Variants in TBL1Y observed in about 807,000 individuals in gnomAD.
TBL1Y encodes the protein transducin beta like 1 Y-linked.
TBL1Y carries 15 observed loss-of-function variants against 12.0 expected under a neutral mutation model. The ratio of observed to expected loss-of-function variants is 1.25; its 90% CI spans 0.83 to 1.92. The LOEUF (loss-of-function observed/expected upper bound fraction) is 1.92, where lower values mean the gene tolerates loss of function less well. Ranked by LOEUF, TBL1Y falls within the 40% of genes most tolerant of loss-of-function variation. The pLI is 0.00. For synonymous variants in TBL1Y, 53 were observed against 42.6 expected (o/e 1.24, Z -0.95); for missense variants, 148 against 116.7 (o/e 1.27, Z -1.24).
chrY:6,978,834 A>G (rs2012262200), intron 3 of TBL1Y, among the ~76,000 whole-genome samples: 1 of 33,509 alleles, frequency 3.0e-5, no homozygotes, highest in Non-Finnish European at 7.3e-5. Context: ...TTAGAAACAT[A>G]CTATGCAACT....
chrY:7,071,150 AG>A (rs2013029614), intron 10 of TBL1Y, among the ~76,000 whole-genome samples: 17 of 33,551 alleles, frequency 5.1e-4, no homozygotes, highest in African/African-American at 2.0e-3. Context: ...GGGAGCTATG[AG>A]GTATTTCTCC....
intron 2 of TBL1Y, among the ~76,000 whole-genome samples, chrY:6,977,903 C>T: frequency 3.0e-5 from 1 of 33,365 alleles, no homozygotes; most frequent in Non-Finnish European, 7.4e-5. Flanking sequence ...TATACTGCAA[C>T]GGAGACAGGA....
At chrY:7,028,372 C>A in intron 6 of TBL1Y, among the ~76,000 whole-genome samples, 1 of 34,133 alleles carries the variant, frequency 2.9e-5, no homozygotes, top group Non-Finnish European at 7.3e-5. Flanking sequence ...TGAAGAAGGA[C>A]CCAAGACACA....
chrY:7,015,779 A>G, intron 4 of TBL1Y, among the ~76,000 whole-genome samples: 1 of 33,574 alleles, frequency 3.0e-5, no homozygotes, highest in African/African-American at 1.2e-4. Flanking sequence ...GTGTGGAGCC[A>G]TTTTTCAGAT....
chrY:7,055,250 C>A, intron 7 of TBL1Y, among the ~76,000 whole-genome samples: 1 of 33,481 alleles, frequency 3.0e-5, no homozygotes, highest in African/African-American at 1.2e-4. Flanking sequence ...GCATGCACAC[C>A]CTATTTTCCT....
chrY:7,080,493 C>T (rs750564636), intron 13 of TBL1Y, among the ~76,000 whole-genome samples: 229 of 32,693 alleles, frequency 7.0e-3, no homozygotes, highest in African/African-American at 0.025. Context: ...GAGGCTGAGG[C>T]GGGAGGATTC....
intron 2 of TBL1Y, among the ~76,000 whole-genome samples, chrY:6,916,927 C>A (rs369459819): frequency 9.0e-3 from 308 of 34,179 alleles, no homozygotes; most frequent in South Asian, 0.031. Context: ...TGGGCTCCCA[C>A]AGCTGGAAAA....
intron 4 of TBL1Y, among the ~76,000 whole-genome samples, chrY:6,999,364 C>T: frequency 6.0e-5 from 2 of 33,214 alleles, no homozygotes; most frequent in African/African-American, 1.2e-4. Flanking sequence ...TTTGGCACCA[C>T]GTCACCTAGG....
At chrY:7,064,633 T>C (rs534153735) in intron 8 of TBL1Y, among the ~76,000 whole-genome samples, 100 of 33,699 alleles carry the variant, frequency 3.0e-3, no homozygotes, top group African/African-American at 0.011. Context: ...AGCAAGTACA[T>C]GGTAAGTCAG....
chrY:7,069,447 C>T (rs2013008395), intron 8 of TBL1Y, among the ~76,000 whole-genome samples: 1 of 33,517 alleles, frequency 3.0e-5, no homozygotes, highest in Non-Finnish European at 7.4e-5. Flanking sequence ...AGGGATGGTT[C>T]CTTTCTTAGG....
intron 7 of TBL1Y, among the ~76,000 whole-genome samples, chrY:7,062,809 C>G (rs762831144): frequency 3.0e-5 from 1 of 33,613 alleles, no homozygotes; most frequent in East Asian, 7.9e-4. Context: ...GGTTCAGTCC[C>G]CCACAGTGGG....
intron 2 of TBL1Y, among the ~76,000 whole-genome samples, chrY:6,934,946 C>T (rs111982185): frequency 0.057 from 1,889 of 32,856 alleles, no homozygotes; most frequent in South Asian, 0.31. Flanking sequence ...CCCTTGTGAT[C>T]GAGCGATCCT....
intron 2 of TBL1Y, among the ~76,000 whole-genome samples, chrY:6,957,254 C>A: frequency 2.9e-5 from 1 of 34,514 alleles, no homozygotes; most frequent in Admixed American, 2.6e-4. Flanking sequence ...CTCCAGTTGA[C>A]CAGGCATGGG....
intron 6 of TBL1Y, among the ~76,000 whole-genome samples, chrY:7,032,937 G>T (rs2012663982): frequency 3.0e-5 from 1 of 33,354 alleles, no homozygotes; most frequent in Admixed American, 2.7e-4. Flanking sequence ...AGAAGCAAGA[G>T]CAAACAAATT....
intron 7 of TBL1Y, 32 bp from the exon 8 acceptor site, chrY:7,063,865 G>C: frequency 2.5e-6 from 1 of 395,225 alleles, no homozygotes; most frequent in African/African-American, 6.5e-5. Flanking sequence ...ACCCTTGTGA[G>C]CTGATGGCTG....
intron 16 of TBL1Y, 131 bp downstream of exon 16, chrY:7,086,548 GC>G (rs2013138889): frequency 8.3e-5 from 14 of 168,187 alleles, no homozygotes; most frequent in Admixed American, 2.5e-4. Context: ...CTTTGAAGGG[GC>G]CAAAACCATC....
chrY:7,020,624 A>C (rs1282339433), intron 4 of TBL1Y, among the ~76,000 whole-genome samples: 1 of 33,380 alleles, frequency 3.0e-5, no homozygotes, highest in Non-Finnish European at 7.4e-5. Context: ...AAAACTCTCT[A>C]GGAGGCTGGA....
intron 2 of TBL1Y, among the ~76,000 whole-genome samples, chrY:6,927,175 G>A (rs2011833036): frequency 3.0e-5 from 1 of 32,893 alleles, no homozygotes; most frequent in Non-Finnish European, 7.4e-5. Flanking sequence ...TGATCTGCCC[G>A]TTTTGGCCTC....
intron 7 of TBL1Y, among the ~76,000 whole-genome samples, chrY:7,056,383 G>A: frequency 3.1e-5 from 1 of 32,652 alleles, no homozygotes; most frequent in African/African-American, 1.2e-4. Flanking sequence ...GGAAGCACCC[G>A]GACAGGGCTT....
Sources: allele counts gnomAD v4.1 joint callset (sites outside exome capture counted in the v4.1 genomes callset), GRCh38; gene constraint gnomAD v4.1.1; transcripts MANE v1.5; gene names NCBI Gene and HGNC (gene_info 2026-07-23, HGNC 2026-07-21).